The following ATP1A4 variants were observed in gnomAD, a reference collection of about 807,000 sequenced individuals.
The protein encoded by ATP1A4 is ATPase Na+/K+ transporting subunit alpha 4.
ATP1A4 carries 90 observed loss-of-function variants against 114.3 expected under a neutral mutation model. The observed-to-expected ratio is 0.79, with a 90% CI of 0.66 to 0.94. ATP1A4 has a LOEUF of 0.94. Ranked by LOEUF, ATP1A4 falls within the 40% of genes least tolerant of loss-of-function variation. The pLI is 0.00. For missense variants in ATP1A4, 1,222 were observed against 1,313.6 expected (o/e 0.93, Z 1.08); for synonymous variants, 511 against 494.1 (o/e 1.03, Z -0.45).
chr1:160,152,680 G>T (rs901486981), intron 1 of ATP1A4, among the ~76,000 whole-genome samples: 1 of 152,156 alleles, frequency 6.6e-6, no homozygotes, highest in Non-Finnish European at 1.5e-5. Context: ...AGGTGGTTAG[G>T]CAGGCTGTTT....
intron 12 of ATP1A4, among the ~76,000 whole-genome samples, chr1:160,173,294 G>C (rs1653331585): frequency 6.6e-6 from 1 of 152,372 alleles, no homozygotes; most frequent in East Asian, 1.9e-4. Flanking sequence ...AAGCAGAATA[G>C]CTTCTGGAGC....
At chr1:160,178,123 G>T (rs772407125) in intron 18 of ATP1A4, among the ~76,000 whole-genome samples, 7 of 152,140 alleles carry the variant, frequency 4.6e-5, no homozygotes, top group Non-Finnish European at 1.0e-4. Flanking sequence ...TTGGGAGGCC[G>T]AAGTGGGCGG....
chr1:160,161,213 C>G (rs867207438), intron 6 of ATP1A4, among the ~76,000 whole-genome samples: 32 of 152,208 alleles, frequency 2.1e-4, no homozygotes, highest in African/African-American at 6.0e-4. Context: ...TCAATTTGCC[C>G]TTTAACCTTT....
rs771931983 is a variant in ATP1A4 at position 160,171,685 on chromosome 1, C to A, written c.1782C>A (p.Leu594=). 2 of 1,614,052 alleles carry A rather than the reference C, an allele frequency of 1.2e-6. No individual in the cohort carries two copies. The highest frequency in any genetic ancestry group is 2.2e-5 in the East Asian group (1 of 44,888). The change falls in exon 12 of 22, where the codon CTC becomes CTA. Residue 594 remains leucine (L), a synonymous_variant. Transcript: ENST00000368081. ...TGGACAACCTTTGTTTTGTGGGCCT[C>A]ATATCCATGATTGACCCTCCCCGAG... is the stretch of plus-strand genomic sequence containing the variant. ...FPMDNLCFVG[L]ISMIDPPRAA...
At chr1:160,157,559 GTAGAT>G (rs1297452728) in intron 4 of ATP1A4, among the ~76,000 whole-genome samples, 2 of 152,248 alleles carry the variant, frequency 1.3e-5, no homozygotes, top group Non-Finnish European at 2.9e-5. Context: ...GATTAATACA[GTAGAT>G]TAAAGTATCA....
rs755588909 is a variant in ATP1A4 at position 160,152,153 on chromosome 1, G to T, written c.113G>T (p.Arg38Leu). Reference sequence around the variant, plus strand: ...ATGGTGAAGAGGGAAAAACAGAAGCGCAATATGGAGGAACTGAAGAAGGAA... The same window carrying T: ...ATGGTGAAGAGGGAAAAACAGAAGCTCAATATGGAGGAACTGAAGAAGGAA... ...KKMVKREKQK[R>L]NMEELKKEVV... The change falls in exon 1 of 22, where the codon CGC (arginine) becomes CTC (leucine). Residue 38 changes from arginine to leucine, a missense_variant. Transcript: ENST00000368081. 6.2e-7 allele frequency: 1 copy of T among 1,613,906 alleles called. No homozygotes were observed. Among genetic ancestry groups the T allele is most frequent in the South Asian group, 1.1e-5 (1 of 91,076 alleles).
chr1:160,166,397 G>A (rs1653035695), intron 7 of ATP1A4, 131 bp from the exon 8 acceptor site: 3 of 1,178,190 alleles, frequency 2.5e-6, no homozygotes, highest in Admixed American at 2.6e-5. Flanking sequence ...TGTGTAAAGA[G>A]TAGGTGGGAA....
chr1:160,156,481 G>C (rs1431054666), intron 4 of ATP1A4, among the ~76,000 whole-genome samples: 3 of 151,866 alleles, frequency 2.0e-5, no homozygotes, highest in African/African-American at 7.2e-5. Flanking sequence ...GGGGTGCGGT[G>C]GGGGGTGGCT....
rs2101649668 is a variant in ATP1A4 at position 160,176,168 on chromosome 1, C to T, written c.2388C>T (p.Phe796=). The T allele has an allele frequency of 1.2e-6, 2 of 1,614,140 alleles. No individual in the cohort carries two copies. The highest frequency in any genetic ancestry group is 1.1e-5 in the South Asian group (1 of 91,074). ...GCAACATCCCCGAGATCACGCCCTT[C>T]CTGATGTTCATCATCCTCGGTATAC... ...LTSNIPEITP[F]LMFIILGIPL... Residue 796 remains phenylalanine, a synonymous_variant, in exon 16 of 22, where the codon TTC becomes TTT. Coordinates refer to ENST00000368081, the MANE Select transcript of ATP1A4 (RefSeq NM_144699.4).
intron 6 of ATP1A4, among the ~76,000 whole-genome samples, chr1:160,162,740 T>C (rs1652904558): frequency 6.6e-6 from 1 of 152,070 alleles, no homozygotes; most frequent in African/African-American, 2.4e-5. Flanking sequence ...TTGCCTCCAG[T>C]TGAGAACCAC....
At chr1:160,152,413 G>A (rs1652490973) in intron 1 of ATP1A4, among the ~76,000 whole-genome samples, 1 of 152,152 alleles carries the variant, frequency 6.6e-6, no homozygotes, top group Admixed American at 6.5e-5. Flanking sequence ...GTGGAAGTGG[G>A]GGATCAGCTT....
At chr1:160,185,179 C>T (rs1653837024) in intron 20 of ATP1A4, among the ~76,000 whole-genome samples, 1 of 150,686 alleles carries the variant, frequency 6.6e-6, no homozygotes, top group African/African-American at 2.4e-5. Context: ...GTGGTGCGAT[C>T]TCAGCTCACT....
At chr1:160,162,936 G>T (rs1652911318) in intron 6 of ATP1A4, among the ~76,000 whole-genome samples, 1 of 152,158 alleles carries the variant, frequency 6.6e-6, no homozygotes, top group Admixed American at 6.5e-5. Context: ...ATAAAATTGG[G>T]TATTTCAGGA....
chr1:160,177,498 C>T (rs1297147540), intron 17 of ATP1A4, 21 bp from the exon 18 acceptor site: 1 of 1,613,030 alleles, frequency 6.2e-7, no homozygotes, highest in Admixed American at 1.7e-5. Flanking sequence ...CTCCCCTGTC[C>T]TGCAACTCTG....
chr1:160,171,370 G>T lies in ATP1A4; in HGVS notation c.1611G>T (p.Met537Ile). Reference sequence around the variant, plus strand: ...TTCTGAATGGGCAGGAGTACTCAATGAACGATGAAATGAAGGAAGCCTTCC... The same window carrying T: ...TTCTGAATGGGCAGGAGTACTCAATTAACGATGAAATGAAGGAAGCCTTCC... The part of the protein sequence containing the change: ...TFLLNGQEYS[M>I]NDEMKEAFQN... The change falls in exon 11 of 22, where the codon ATG (methionine) becomes ATT (isoleucine). Residue 537 changes from methionine to isoleucine, a missense_variant. Coordinates refer to ENST00000368081, the MANE Select transcript of ATP1A4 (RefSeq NM_144699.4). 6.2e-7 allele frequency: 1 copy of T among 1,614,174 alleles called. No homozygotes were observed. The highest frequency in any genetic ancestry group is 1.1e-5 in the South Asian group (1 of 91,088).
At chr1:160,169,815 T>C (rs983855926) in intron 10 of ATP1A4, 1 of 152,260 alleles carries the variant, frequency 6.6e-6, no homozygotes, top group Non-Finnish European at 1.5e-5. Flanking sequence ...ATTTCATGAA[T>C]GTGCCCTTTC....
chr1:160,173,154 A>G (rs553736711), intron 12 of ATP1A4, among the ~76,000 whole-genome samples: 5 of 152,312 alleles, frequency 3.3e-5, no homozygotes, highest in African/African-American at 1.2e-4. Context: ...CCACAGAAAG[A>G]AGAAAGGTAG....
At chr1:160,153,305 TC>T in intron 2 of ATP1A4, 81 bp downstream of exon 2, 1 of 1,290,798 alleles carries the variant, frequency 7.7e-7, no homozygotes, top group Non-Finnish European at 1.1e-6. Context: ...GAACTAGGAA[TC>T]CAGCCCCCTA....
In ATP1A4 at chr1:160,174,591, G is replaced by A. The variant is rs541186408; in HGVS notation, c.2155G>A (p.Ala719Thr). The A allele has an allele frequency of 3.8e-5, 61 of 1,613,908 alleles. No individual in the cohort carries two copies. The South Asian group carries it at 5.6e-4, about 15-fold the overall frequency. The change falls in exon 15 of 22, where the codon GCC (alanine) becomes ACC (threonine). Residue 719 changes from alanine (A) to threonine (T), a missense_variant. By Grantham distance (58) the Ala-to-Thr change is moderately conservative. Transcript: ENST00000368081. The stretch of plus-strand genomic sequence containing the variant: ...TGGACTTCCTCAGGGAGCCGTTGTG[G>A]CCGTGACAGGTGACGGGGTGAACGA... ...EGCQRLGAVV[A>T]VTGDGVNDSP...
Sources: allele counts gnomAD v4.1 joint callset (sites outside exome capture counted in the v4.1 genomes callset), GRCh38; gene constraint gnomAD v4.1.1; transcripts MANE v1.5; gene names NCBI Gene and HGNC (gene_info 2026-07-23, HGNC 2026-07-21).